The following SF3A1 variants were observed in gnomAD, a reference collection of about 807,000 sequenced individuals.
SF3A1 encodes SAP 114.
In SF3A1, 13 loss-of-function variants were observed where a neutral mutation model predicts 89.9. The ratio of observed to expected loss-of-function variants is 0.14; its 90% CI spans 0.09 to 0.23. SF3A1 has a LOEUF of 0.23. Ranked by LOEUF, SF3A1 falls within the 10% of genes least tolerant of loss-of-function variation. The pLI is 1.00. For synonymous variants in SF3A1, 405 were observed against 374.4 expected, an observed-to-expected ratio of 1.08 and a Z score of -0.94; for missense variants, 604 against 1,022.1, an observed-to-expected ratio of 0.59 and a Z score of 5.58.
chr22:30,352,930 C>T (rs1569175977), intron 2 of SF3A1, 21 bp downstream of exon 2: 3 of 1,613,426 alleles, frequency 1.9e-6, no homozygotes, highest in Non-Finnish European at 2.5e-6. Context: ...CACCTCTGAC[C>T]CACCCAAGTA....
intron 3 of SF3A1, among the ~76,000 whole-genome samples, chr22:30,345,705 T>C (rs1931397619): frequency 6.6e-6 from 1 of 152,118 alleles, no homozygotes; most frequent in South Asian, 2.1e-4. Context: ...ACTTCAACCT[T>C]TATAGCCCAC....
intron 1 of SF3A1, 108 bp downstream of exon 1, chr22:30,356,622 T>C: frequency 1.2e-6 from 1 of 842,014 alleles, no homozygotes; most frequent in Non-Finnish European, 1.7e-6. Flanking sequence ...CTCTTGGGAC[T>C]TGCAGTCCCT....
chr22:30,352,830 G>GT (rs1268268074), intron 2 of SF3A1, 121 bp downstream of exon 2: 24 of 1,282,048 alleles, frequency 1.9e-5, no homozygotes, highest in Non-Finnish European at 2.6e-5. Flanking sequence ...CCATGTTGTG[G>GT]TTTTTTATGA....
At chr22:30,343,385 T>C (rs1176153128) in intron 4 of SF3A1, among the ~76,000 whole-genome samples, 1 of 152,228 alleles carries the variant, frequency 6.6e-6, no homozygotes, top group Non-Finnish European at 1.5e-5. Flanking sequence ...AGAAACTCCA[T>C]GAAGACAGGG....
rs1569169267 is a variant in SF3A1, at chr22:30,335,505, T to C, written c.2242A>G (p.Thr748Ala). The change falls in exon 15 of 16, where the codon ACA becomes GCA. Residue 748 changes from threonine to alanine, a missense_variant. Physicochemically the swap from Thr to Ala is moderately conservative, Grantham distance 58. Coordinates refer to ENST00000215793, the MANE Select transcript of SF3A1 (RefSeq NM_005877.6). ...SVIKVKIHEA[T>A]GMPAGKQKLQ... The stretch of plus-strand genomic sequence containing the variant: ...TTCTGTTTCCCTGCAGGCATGCCTG[T>C]GGCTTCATGAATCTTCACCTTAATG... The C allele has an allele frequency of 4.3e-6, 7 of 1,614,218 alleles. No individual in the cohort carries two copies. In the East Asian group the frequency reaches 1.3e-4, roughly 31 times the overall value.
At chr22:30,340,569 C>A in intron 8 of SF3A1, 126 bp downstream of exon 8, 2 of 847,528 alleles carry the variant, frequency 2.4e-6, no homozygotes, top group Non-Finnish European at 3.9e-6. Flanking sequence ...CTGTAACAGA[C>A]GGGCTTGCAA....
chr22:30,356,503 A>C (rs554620412), intron 1 of SF3A1: 48 of 398,736 alleles, frequency 1.2e-4, no homozygotes, highest in Non-Finnish European at 1.9e-4. Context: ...ATTTCTAAGA[A>C]GCTCCCGGCT....
In SF3A1 at chr22:30,337,682, A is replaced by C; in HGVS notation, c.1951+8T>G. ...AATGGCCTGGAAAATGATGCAAGAG[A>C]TACTGACCTGTTGGCACAATCATGG... On this transcript the variant is annotated splice_region_variant and intron_variant, in intron 12 of 15. Coordinates refer to ENST00000215793, the MANE Select transcript of SF3A1 (RefSeq NM_005877.6). 1 of 886,228 alleles carries C rather than the reference A, an allele frequency of 1.1e-6. No homozygotes were observed. The highest frequency in any genetic ancestry group is 1.6e-6 in the Non-Finnish European group (1 of 618,660). 54.9% of individuals were successfully genotyped at this position (886,228 alleles called of 1,614,324 possible). A position where few individuals can be genotyped will look rare whatever the true frequency, so the allele number is the denominator to read the frequency against.
rs1234027070 is a variant in SF3A1, at chr22:30,342,861, C to A, written c.670G>T (p.Gly224Cys). The change falls in exon 5 of 16, where the codon GGT (glycine) becomes TGT (cysteine). Residue 224 changes from glycine (G) to cysteine (C), a missense_variant. Gly to Cys is a radical substitution (Grantham distance 159). This residue lies in a region of SF3A1 where 162 missense variants were observed against 229.2 expected (regional missense o/e 0.71). Transcript: ENST00000215793. ...QYTKILIPPK[G>C]LFSKLKKEAE... The stretch of plus-strand genomic sequence containing the variant: ...TCTTTCTTGAGCTTTGAAAATAAAC[C>A]TTTGGGTGGAATCAAGATCTGAAAT... 6.2e-7 allele frequency: 1 copy of A among 1,612,482 alleles called. No individual in the cohort carries two copies.
intron 15 of SF3A1, 143 bp from the exon 16 acceptor site, chr22:30,334,838 G>A: frequency 1.7e-6 from 1 of 583,644 alleles, no homozygotes; most frequent in Non-Finnish European, 3.0e-6. Flanking sequence ...GTTGGGGACT[G>A]GAGGCCTCTC....
chr22:30,341,912 A>C (rs757982944), intron 6 of SF3A1, 27 bp from the exon 7 acceptor site: 2 of 1,599,420 alleles, frequency 1.3e-6, no homozygotes, highest in Non-Finnish European at 1.7e-6. Flanking sequence ...AGGCAAAGGT[A>C]TTCCTTATCA....
At chr22:30,337,575 G>C (rs941929846) in intron 12 of SF3A1, 115 bp downstream of exon 12, 2 of 721,600 alleles carry the variant, frequency 2.8e-6, no homozygotes, top group Non-Finnish European at 5.1e-6. Flanking sequence ...GCTCTCCTCT[G>C]GGCTGGATAC....
At position 30,334,747 on chromosome 22, in the gene SF3A1, C is replaced by T. The variant is rs753509742; in HGVS notation, c.2281-52G>A. 7.9e-6 allele frequency: 10 copies of T among 1,262,450 alleles called. No homozygotes were observed. In the South Asian group the frequency reaches 1.3e-4, roughly 16 times the overall value. The allele number at this position is 1,262,450 out of a possible 1,614,324, so 78.2% of individuals were successfully genotyped here. ...ATGGGGCAACCCAGCCTTGGGGATACCGCTGCAACCTTACAACTGTGCACT... is the reference window on the plus strand; with the variant it reads ...ATGGGGCAACCCAGCCTTGGGGATATCGCTGCAACCTTACAACTGTGCACT... On this transcript the variant is annotated intron_variant, in intron 15 of 15. Transcript: ENST00000215793.
intron 2 of SF3A1, among the ~76,000 whole-genome samples, chr22:30,350,939 A>G (rs912996978): frequency 6.6e-6 from 1 of 152,250 alleles, no homozygotes; most frequent in African/African-American, 2.4e-5. Context: ...CTTTCAACCT[A>G]ATACTCAAAG....
intron 2 of SF3A1, among the ~76,000 whole-genome samples, chr22:30,349,396 T>G (rs1931517498): frequency 6.6e-6 from 1 of 152,236 alleles, no homozygotes; most frequent in African/African-American, 2.4e-5. Flanking sequence ...TTCTTCTGCC[T>G]CAGCCTCCCA....
rs2145798771 is a variant in SF3A1 at position 30,334,559 on chromosome 22, A to C, written c.*35T>G. The C allele has an allele frequency of 2.8e-6, 4 of 1,441,902 alleles. No homozygotes were observed. Among genetic ancestry groups the C allele is most frequent in the East Asian group, 2.5e-5 (1 of 39,342 alleles). The allele number at this position is 1,441,902 out of a possible 1,614,324, so 89.3% of individuals were successfully genotyped here. A position where few individuals can be genotyped will look rare whatever the true frequency, so the allele number is the denominator to read the frequency against. On this transcript the variant is annotated 3_prime_UTR_variant, in exon 16 of 16. Coordinates refer to ENST00000215793, the MANE Select transcript of SF3A1 (RefSeq NM_005877.6). ...GCAGGGGGTGGGAGACAGGAGAGGCAAAATGGCAGGGACTTGACAGCAGGT... is the reference window on the plus strand; with the variant it reads ...GCAGGGGGTGGGAGACAGGAGAGGCCAAATGGCAGGGACTTGACAGCAGGT...
rs184601744 is a variant in SF3A1 at position 30,350,318 on chromosome 22, A to T, written c.185+2633T>A. On this transcript the variant is annotated intron_variant, in intron 2 of 15. Coordinates refer to ENST00000215793, the MANE Select transcript of SF3A1 (RefSeq NM_005877.6). ...TACAAAAAAACTAAAAAAAATAAAA[A>T]AAATAAAAAAAAAATTAGCTGGGTG... Among the ~76,000 whole-genome samples the T allele has an allele frequency of 2.6e-3, 384 of 150,438 alleles. 9 individuals are homozygous for T. Among genetic ancestry groups the T allele is most frequent in the Non-Finnish European group, 3.2e-3 (213 of 67,318 alleles).
chr22:30,348,995 A>G (rs1033505125), intron 2 of SF3A1, among the ~76,000 whole-genome samples: 41 of 152,202 alleles, frequency 2.7e-4, no homozygotes, highest in African/African-American at 9.7e-4. Flanking sequence ...ACTCTCCACC[A>G]GAAGGAATAG....
intron 2 of SF3A1, among the ~76,000 whole-genome samples, chr22:30,346,904 T>C (rs1294404828): frequency 6.6e-6 from 1 of 152,154 alleles, no homozygotes; most frequent in African/African-American, 2.4e-5. Flanking sequence ...CAACAAAAGG[T>C]AGTCAAAAGT....
Sources: allele counts gnomAD v4.1 joint callset (sites outside exome capture counted in the v4.1 genomes callset), GRCh38; gene constraint gnomAD v4.1.1; regional missense constraint gnomAD v4.1.1; transcripts MANE v1.5; gene names NCBI Gene and HGNC (gene_info 2026-07-23, HGNC 2026-07-21).